Variants in PACS1 observed in about 807,000 individuals in gnomAD.
PACS1 encodes the protein phosphofurin acidic cluster sorting protein 1.
PACS1 carries 24 observed loss-of-function variants against 115.0 expected under a neutral mutation model. The observed-to-expected ratio is 0.21, with a 90% CI of 0.15 to 0.29. The LOEUF is 0.29. Ranked by LOEUF, PACS1 falls within the 10% of genes least tolerant of loss-of-function variation. The probability of loss-of-function intolerance (pLI) is 1.00; values close to 1 mark genes in which losing one functional copy is unlikely to be tolerated. For synonymous variants in PACS1, 453 were observed against 504.5 expected (o/e 0.90, Z 1.37); for missense variants, 838 against 1,251.2 (o/e 0.67, Z 4.98).
intron 1 of PACS1, among the ~76,000 whole-genome samples, chr11:66,075,080 C>T (rs1857373262): frequency 6.6e-6 from 1 of 151,434 alleles, no homozygotes; most frequent in Non-Finnish European, 1.5e-5. Context: ...GTAGCTGGGA[C>T]TACAGGCGCC....
At position 66,070,388 on chromosome 11, in the gene PACS1, C is replaced by T; in HGVS notation, c.-99C>T. 3 of 669,880 alleles carry T rather than the reference C, an allele frequency of 4.5e-6. No individual in the cohort carries two copies. 41.5% of individuals were successfully genotyped at this position (669,880 alleles called of 1,614,324 possible). A position where few individuals can be genotyped will look rare whatever the true frequency, so the allele number is the denominator to read the frequency against. ...GGCTGCTCGCGCTCGGGCAGGCGGG[C>T]TGAGGAGGCTGCCGCGCCCCCGCCG... On this transcript the variant is annotated 5_prime_UTR_variant, in exon 1 of 24. Transcript: ENST00000320580. The surrounding 1 kb of genome is among the most constrained non-coding windows in gnomAD (Gnocchi z 5.9).
chr11:66,093,492 C>T (rs1249256816), intron 1 of PACS1, among the ~76,000 whole-genome samples: 1 of 144,136 alleles, frequency 6.9e-6, no homozygotes, highest in African/African-American at 2.6e-5. Context: ...ACAAGAAGAG[C>T]TAACTATCCT....
At chr11:66,192,393 G>A (rs1044744195) in intron 1 of PACS1, among the ~76,000 whole-genome samples, 1 of 152,202 alleles carries the variant, frequency 6.6e-6, no homozygotes, top group African/African-American at 2.4e-5. Context: ...CATAACCCAA[G>A]GCTGAGGAGG....
intron 1 of PACS1, among the ~76,000 whole-genome samples, chr11:66,071,431 C>A (rs926125595): frequency 3.3e-5 from 5 of 152,128 alleles, no homozygotes; most frequent in Non-Finnish European, 7.4e-5. Flanking sequence ...TCCCCTCCCC[C>A]ACTAAAACTG....
chr11:66,217,455 G>C (rs1182432128), intron 7 of PACS1: 2 of 427,378 alleles, frequency 4.7e-6, no homozygotes, highest in African/African-American at 4.1e-5. Context: ...GAGCATTTCC[G>C]AAGGGGAATT....
rs550649239 is a variant in PACS1 at position 66,243,320 on chromosome 11, C to T, written c.*40C>T. ...GCCACTTTCCCTCCTGGCACTGCCA[C>T]CAGCCTCACCGCCTGCGGGCAGGGG... On this transcript the variant is annotated 3_prime_UTR_variant, in exon 24 of 24. Coordinates refer to ENST00000320580, the MANE Select transcript of PACS1 (RefSeq NM_018026.4). 2.9e-6 allele frequency: 4 copies of T among 1,378,144 alleles called. No homozygotes were observed. The South Asian group carries it at 4.9e-5, about 17-fold the overall frequency. The allele number at this position is 1,378,144 out of a possible 1,614,324, so 85.4% of individuals were successfully genotyped here. A position where few individuals can be genotyped will look rare whatever the true frequency, so the allele number is the denominator to read the frequency against.
chr11:66,239,178 T>C lies in PACS1; in HGVS notation c.2330T>C (p.Val777Ala). ...GATTCTCCTGTGGTCAGCCTTACTG[T>C]GCCCTCCACATCACCACCCTCCAGC... ...GDDSPVVSLT[V>A]PSTSPPSSSG... Residue 777 changes from valine (V) to alanine (A), a missense_variant, in exon 21 of 24, where the codon GTG (valine) becomes GCG (alanine). Transcript: ENST00000320580. 1 of 1,614,156 alleles carries C rather than the reference T, an allele frequency of 6.2e-7. No homozygotes were observed. Among genetic ancestry groups the C allele is most frequent in the Non-Finnish European group, 8.5e-7 (1 of 1,180,012 alleles).
At chr11:66,198,949 T>C (rs1854710079) in intron 2 of PACS1, among the ~76,000 whole-genome samples, 1 of 152,218 alleles carries the variant, frequency 6.6e-6, no homozygotes, top group East Asian at 1.9e-4. Flanking sequence ...TGACTATTGA[T>C]AGATAAACCT....
chr11:66,137,250 GTGTGTT>G (rs1378111421), intron 1 of PACS1, among the ~76,000 whole-genome samples: 3 of 151,184 alleles, frequency 2.0e-5, no homozygotes, highest in Non-Finnish European at 2.9e-5. Flanking sequence ...GTGTGAGTGT[GTGTGTT>G]TGTGTTTGTG....
intron 1 of PACS1, among the ~76,000 whole-genome samples, chr11:66,097,981 C>T (rs1175757314): frequency 2.0e-5 from 3 of 152,096 alleles, no homozygotes; most frequent in African/African-American, 7.2e-5. Context: ...AGTTTGAGAC[C>T]ACCCTGGCAA....
chr11:66,202,742 A>ATAT (rs1554988696), intron 2 of PACS1, among the ~76,000 whole-genome samples: 7 of 71,568 alleles, frequency 9.8e-5, no homozygotes, highest in African/African-American at 1.6e-4. Flanking sequence ...AAAAAAAAAA[A>ATAT]ATATATATAT....
chr11:66,190,894 G>A (rs1057416001), intron 1 of PACS1, among the ~76,000 whole-genome samples: 1 of 152,138 alleles, frequency 6.6e-6, no homozygotes, highest in African/African-American at 2.4e-5. Context: ...AGAGTTGAGG[G>A]CACCCAGGTC....
chr11:66,198,851 C>T (rs1295268702), intron 2 of PACS1, among the ~76,000 whole-genome samples: 2 of 152,056 alleles, frequency 1.3e-5, no homozygotes, highest in African/African-American at 4.8e-5. Flanking sequence ...CATTTTAAAA[C>T]TTTGTATGTA....
intron 7 of PACS1, chr11:66,217,923 T>G (rs1855251143): frequency 4.1e-6 from 1 of 245,066 alleles, no homozygotes; most frequent in Non-Finnish European, 8.1e-6. Context: ...TCTTCCTACG[T>G]GGGGTCTCTT....
chr11:66,076,917 C>T (rs753738846), intron 1 of PACS1, among the ~76,000 whole-genome samples: 7 of 152,176 alleles, frequency 4.6e-5, no homozygotes, highest in Non-Finnish European at 8.8e-5. Context: ...TGGAGTTGGA[C>T]TTAGAACTTC....
Position 66,232,189 on chromosome 11 carries a change from G to A in PACS1, c.1644G>A (p.Val548=), listed in dbSNP as rs922264746. Residue 548 remains valine (V), a synonymous_variant, in exon 14 of 24, where the codon GTG becomes GTA. Coordinates refer to ENST00000320580, the MANE Select transcript of PACS1 (RefSeq NM_018026.4). ...TCCTGCAGATTCCAAGAAAGGTGGT[G>A]TATGACCAGCTCAATCAGATCCTGG... ...GHSTQIPRKV[V]YDQLNQILVS... is the part of the protein sequence containing the mutation. 7 of 1,612,256 alleles carry A rather than the reference G, an allele frequency of 4.3e-6. No individual in the cohort carries two copies. The African/African-American group carries it at 5.3e-5, about 12-fold the overall frequency.
chr11:66,155,359 A>G (rs942655358), intron 1 of PACS1, among the ~76,000 whole-genome samples: 1 of 152,216 alleles, frequency 6.6e-6, no homozygotes, highest in African/African-American at 2.4e-5. Flanking sequence ...TGTTTACAAT[A>G]GATAAATCTG....
chr11:66,179,915 G>T (rs1046244662), intron 1 of PACS1, among the ~76,000 whole-genome samples: 1 of 152,136 alleles, frequency 6.6e-6, no homozygotes, highest in South Asian at 2.1e-4. Context: ...GCAGTGGCAT[G>T]ATCTCAGCTC....
chr11:66,171,806 C>T (rs1411197210), intron 1 of PACS1, among the ~76,000 whole-genome samples: 1 of 144,966 alleles, frequency 6.9e-6, no homozygotes, highest in Non-Finnish European at 1.5e-5. Flanking sequence ...GTCTCGATCT[C>T]CTGACCTTGT....
Sources: gnomAD v4.1 joint callset for allele counts (sites outside exome capture counted in the v4.1 genomes callset) on GRCh38, gnomAD v4.1.1 for gene constraint, Gnocchi (gnomAD v3.1) non-coding constraint, MANE v1.5 for transcripts, NCBI Gene and HGNC (gene_info 2026-07-23, HGNC 2026-07-21) for gene names.